Variants in CADPS2 observed in about 807,000 individuals in gnomAD.
CADPS2 encodes the protein calcium-dependent secretion activator 2.
In CADPS2, 93 loss-of-function variants were observed where a neutral mutation model predicts 172.5. The ratio of observed to expected loss-of-function variants is 0.54; its 90% CI spans 0.46 to 0.64. The LOEUF (loss-of-function observed/expected upper bound fraction) is 0.64. Among genes scored for constraint, CADPS2 ranks in the 30% least tolerant of loss-of-function variants. The pLI, the probability that CADPS2 is intolerant of heterozygous loss-of-function variation, is 0.00. For missense variants in CADPS2, 1,420 were observed against 1,565.9 expected (o/e 0.91, Z 1.57); for synonymous variants, 546 against 555.2 (o/e 0.98, Z 0.23).
chr7:122,545,988 C>T (rs572069174), intron 8 of CADPS2, among the ~76,000 whole-genome samples: 20 of 152,060 alleles, frequency 1.3e-4, no homozygotes, highest in African/African-American at 4.8e-4. Flanking sequence ...AAGTAACAAG[C>T]CGATCTTTTT....
chr7:122,783,042 T>C (rs1283640064), intron 1 of CADPS2, among the ~76,000 whole-genome samples: 1 of 151,908 alleles, frequency 6.6e-6, no homozygotes, highest in Non-Finnish European at 1.5e-5. Flanking sequence ...GAATCCCCAT[T>C]GCTACTAAAA....
In CADPS2 at chr7:122,538,376, A is replaced by T. The variant is rs539819435; in HGVS notation, c.1475+16174T>A. 5.6e-3 allele frequency among the ~76,000 whole-genome samples: 828 copies of T among 146,656 alleles called. 10 individuals are homozygous for T. The highest frequency in any genetic ancestry group is 0.018 in the African/African-American group (693 of 39,122). On this transcript the variant is annotated intron_variant, in intron 8 of 29. Transcript: ENST00000449022. Reference sequence around the variant, plus strand: ...ATTAGGTTTTTTGTTTTTTTTTTTTAAAAACACAAGGAGAAGCTTAATTAG... The same window carrying T: ...ATTAGGTTTTTTGTTTTTTTTTTTTTAAAACACAAGGAGAAGCTTAATTAG...
At chr7:122,790,483 G>A (rs1365722055) in intron 1 of CADPS2, among the ~76,000 whole-genome samples, 1 of 150,168 alleles carries the variant, frequency 6.7e-6, no homozygotes, top group Non-Finnish European at 1.5e-5. Context: ...TATAATCCAA[G>A]AAAATGTTTC....
Position 122,388,708 on chromosome 7 carries a change from A to G in CADPS2, c.3039T>C (p.Phe1013=), listed in dbSNP as rs755670459. 13 of 1,609,374 alleles carry G rather than the reference A, an allele frequency of 8.1e-6. No individual in the cohort carries two copies. Among genetic ancestry groups the G allele is most frequent in the Non-Finnish European group, 9.3e-6 (11 of 1,177,098 alleles). ...TNGSATSEDL[F]WKLDALQMFV... The stretch of plus-strand genomic sequence containing the variant: ...ACATTTGCAGTGCATCAAGCTTCCA[A>G]AAAAGGTCTTCTGATGTTGCTGAGC... Residue 1013 remains phenylalanine (F), a synonymous_variant, in exon 23 of 30, where the codon TTT becomes TTC. Coordinates refer to ENST00000449022, the MANE Select transcript of CADPS2 (RefSeq NM_017954.11).
intron 25 of CADPS2, among the ~76,000 whole-genome samples, chr7:122,362,423 G>GA (rs2040272485): frequency 6.6e-6 from 1 of 152,004 alleles, no homozygotes; most frequent in Non-Finnish European, 1.5e-5. Flanking sequence ...GGACTAGGGT[G>GA]AGGGGGGTAG....
rs369895784 is a variant in CADPS2 at position 122,736,956 on chromosome 7, T to G, written c.452A>C (p.Glu151Ala). The G allele has an allele frequency of 6.4e-7, 1 of 1,556,346 alleles. No individual in the cohort carries two copies. Among genetic ancestry groups the G allele is most frequent in the Non-Finnish European group, 8.8e-7 (1 of 1,130,308 alleles). ...AFCNAVRSYY[E>A]VFLKSDRVAR... ...AAAAACAAAGCTCTTCAAACTTACC[T>G]CATAATAACTCCGAACTGCGTTGCA... Residue 151 changes from glutamate (E) to alanine (A), a missense_variant and splice_region_variant, in exon 2 of 30, where the codon GAG (glutamate) becomes GCG (alanine). Physicochemically the swap from Glu to Ala is moderately radical, Grantham distance 107. Transcript: ENST00000449022.
At chr7:122,821,659 G>A (rs375050997) in intron 1 of CADPS2, among the ~76,000 whole-genome samples, 2 of 152,046 alleles carry the variant, frequency 1.3e-5, no homozygotes, top group African/African-American at 4.8e-5. Flanking sequence ...CTGATAACAG[G>A]TGAGCCTTTA....
chr7:122,329,964 T>G (rs1339966851), intron 28 of CADPS2, among the ~76,000 whole-genome samples: 1 of 152,232 alleles, frequency 6.6e-6, no homozygotes, highest in East Asian at 1.9e-4. Context: ...TATTTTCTAC[T>G]TAAGTGTTTA....
chr7:122,789,596 A>G (rs73718007), intron 1 of CADPS2, among the ~76,000 whole-genome samples: 2,472 of 152,334 alleles, frequency 0.016, 65 homozygotes, highest in African/African-American at 0.056. Flanking sequence ...ACACACTAAC[A>G]AAATAACCAC....
At chr7:122,365,795 G>C (rs1300499207) in intron 25 of CADPS2, among the ~76,000 whole-genome samples, 1 of 152,192 alleles carries the variant, frequency 6.6e-6, no homozygotes, top group Non-Finnish European at 1.5e-5. Context: ...GAAGTGACTG[G>C]TAGAAGGAAA....
At position 122,416,078 on chromosome 7, in the gene CADPS2, C is replaced by T; in HGVS notation, c.2563G>A (p.Glu855Lys). ...GTCATCACCTCTGCATGATGCTCTT[C>T]ATTCTGCTGTAAGACTTCTATGCAG... is the stretch of plus-strand genomic sequence containing the variant. ...ELCIEVLQQNEEHHAEGREAF... is the reference protein window; with the variant it reads ...ELCIEVLQQNKEHHAEGREAF... Residue 855 changes from glutamate (E) to lysine (K), a missense_variant, in exon 18 of 30, where the codon GAA becomes AAA. Glu to Lys is a moderately conservative substitution (Grantham distance 56, BLOSUM62 1). Transcript: ENST00000449022. 6.5e-7 allele frequency: 1 copy of T among 1,535,362 alleles called. No individual in the cohort carries two copies. The highest frequency in any genetic ancestry group is 8.8e-7 in the Non-Finnish European group (1 of 1,133,770).
chr7:122,485,054 T>C (rs1175852851), intron 11 of CADPS2, among the ~76,000 whole-genome samples: 1 of 152,182 alleles, frequency 6.6e-6, no homozygotes, highest in Non-Finnish European at 1.5e-5. Context: ...CCATATAAGA[T>C]GGTAAACTTA....
intron 1 of CADPS2, among the ~76,000 whole-genome samples, chr7:122,760,514 C>T (rs925374285): frequency 1.3e-5 from 2 of 151,894 alleles, no homozygotes; most frequent in Non-Finnish European, 1.5e-5. Flanking sequence ...TTCCAAAAAG[C>T]CAAATCCTAA....
At chr7:122,568,402 G>T (rs1166384653) in intron 7 of CADPS2, among the ~76,000 whole-genome samples, 4 of 152,050 alleles carry the variant, frequency 2.6e-5, no homozygotes, top group Non-Finnish European at 4.4e-5. Flanking sequence ...TCTATACACT[G>T]CCATATCAGA....
At chr7:122,858,581 A>G (rs1428590933) in intron 1 of CADPS2, among the ~76,000 whole-genome samples, 1 of 152,148 alleles carries the variant, frequency 6.6e-6, no homozygotes, top group Non-Finnish European at 1.5e-5. Flanking sequence ...AGTTAATCAC[A>G]CTCACTTCTT....
chr7:122,596,646 C>T (rs977825602), intron 6 of CADPS2, among the ~76,000 whole-genome samples: 6 of 152,112 alleles, frequency 3.9e-5, no homozygotes, highest in African/African-American at 9.7e-5. Context: ...ATCATAGCTA[C>T]ATCCCCACTG....
intron 1 of CADPS2, among the ~76,000 whole-genome samples, chr7:122,843,112 C>T (rs922959440): frequency 1.3e-5 from 2 of 152,034 alleles, no homozygotes; most frequent in African/African-American, 4.8e-5. Context: ...CTTAGGATAC[C>T]GAAGCTGGAA....
At chr7:122,797,326 A>C (rs1796592411) in intron 1 of CADPS2, among the ~76,000 whole-genome samples, 1 of 152,218 alleles carries the variant, frequency 6.6e-6, no homozygotes, top group Non-Finnish European at 1.5e-5. Context: ...CTATCATTTG[A>C]CTCAGCAATC....
chr7:122,445,012 T>C (rs1364484882), intron 15 of CADPS2, among the ~76,000 whole-genome samples: 4 of 152,298 alleles, frequency 2.6e-5, no homozygotes, highest in African/African-American at 9.6e-5. Flanking sequence ...CGGAAAAAAG[T>C]ATACTTTGCA....
Sources: allele counts gnomAD v4.1 joint callset (sites outside exome capture counted in the v4.1 genomes callset), GRCh38; gene constraint gnomAD v4.1.1; transcripts MANE v1.5; gene names NCBI Gene and HGNC (gene_info 2026-07-23, HGNC 2026-07-21).